Variants in GLE1 observed in about 807,000 individuals in gnomAD.
GLE1 encodes GLE1 RNA export mediator, also known as mRNA export factor GLE1.
Under a neutral mutation model 97.3 loss-of-function variants are expected in GLE1, and 78 were observed. The ratio of observed to expected loss-of-function variants is 0.80; its 90% confidence interval spans 0.67 to 0.97. GLE1 has a LOEUF of 0.97. Ranked by LOEUF, GLE1 falls within the 50% of genes least tolerant of loss-of-function variation. The pLI is 0.00. For missense variants in GLE1, 753 were observed against 857.5 expected, an observed-to-expected ratio of 0.88 and a Z score of 1.52; for synonymous variants, 302 against 313.4, an observed-to-expected ratio of 0.96 and a Z score of 0.39.
In GLE1 at chr9:128,541,170, A is replaced by T; in HGVS notation, c.2097A>T (p.Ter699CysextTer87). The T allele has an allele frequency of 6.6e-7, 1 of 1,522,036 alleles. No homozygotes were observed. The allele number at this position is 1,522,036 out of a possible 1,614,324, so 94.3% of individuals were successfully genotyped here. ...GFLTSSFWRS* is the reference protein window; with the variant it reads ...GFLTSSFWRSC ...TGACTTCCTCCTTCTGGCGCTCCTG[A>T]TGTCACTCCATCACCCACCATCACC... The change falls in exon 16 of 16, where the codon TGA becomes TGT. Residue 699 changes from the stop codon to cysteine, a stop_lost. Coordinates refer to ENST00000309971, the MANE Select transcript of GLE1 (RefSeq NM_001003722.2).
At chr9:128,512,832 T>C (rs548331233) in intron 2 of GLE1, among the ~76,000 whole-genome samples, 1 of 152,252 alleles carries the variant, frequency 6.6e-6, no homozygotes, top group African/African-American at 2.4e-5. Flanking sequence ...GCTAATTTTG[T>C]ATTTTTCGTA....
chr9:128,527,003 C>T (rs996108168), intron 7 of GLE1, among the ~76,000 whole-genome samples, 176 bp from the exon 8 acceptor site: 1 of 152,174 alleles, frequency 6.6e-6, no homozygotes, highest in Non-Finnish European at 1.5e-5. Context: ...AATCACTTAA[C>T]CTTTTTGTGC....
Position 128,504,836 on chromosome 9 carries a change from T to C in GLE1, c.31T>C (p.Leu11=), listed in dbSNP as rs763948685. 7 of 1,612,906 alleles carry C rather than the reference T, an allele frequency of 4.3e-6. No individual in the cohort carries two copies. Among genetic ancestry groups the C allele is most frequent in the Non-Finnish European group, 5.9e-6 (7 of 1,178,994 alleles). MPSEGRCWET[L]KALRSSDKGR... ...GTCTGAGGGTCGCTGCTGGGAGACC[T>C]TGAAGGCCCTACGCAGTTCCGACAA... The change falls in exon 1 of 16, where the codon TTG becomes CTG. Residue 11 remains leucine (L), a synonymous_variant. Coordinates refer to ENST00000309971, the MANE Select transcript of GLE1 (RefSeq NM_001003722.2).
chr9:128,517,126 C>A (rs1412505065), intron 3 of GLE1, among the ~76,000 whole-genome samples: 1 of 151,558 alleles, frequency 6.6e-6, no homozygotes, highest in African/African-American at 2.4e-5. Context: ...CCCATCTCTA[C>A]TAAAAATACA....
Position 128,515,648 on chromosome 9 carries a change from AC to A in GLE1, c.432+12del. 6.9e-7 allele frequency: 1 copy of A among 1,455,644 alleles called. No individual in the cohort carries two copies. The highest frequency in any genetic ancestry group is 9.6e-7 in the Non-Finnish European group (1 of 1,036,488). 90.2% of individuals were successfully genotyped at this position (1,455,644 alleles called of 1,614,324 possible). A position where few individuals can be genotyped will look rare whatever the true frequency, so the allele number is the denominator to read the frequency against. On this transcript the variant is annotated intron_variant, in intron 3 of 15. Coordinates refer to ENST00000309971, the MANE Select transcript of GLE1 (RefSeq NM_001003722.2). ...ACAGAATGAAAGGAACAGTAAGTGA[AC>A]CCATGAAGGAAGGCAGCCTTGATCC...
At chr9:128,528,148 G>T (rs1205199309) in intron 9 of GLE1, among the ~76,000 whole-genome samples, 1 of 147,970 alleles carries the variant, frequency 6.8e-6, no homozygotes. Context: ...GGGACTACAG[G>T]CGCCCACCAC....
chr9:128,517,521 T>C (rs887706419), intron 3 of GLE1, among the ~76,000 whole-genome samples: 2 of 152,180 alleles, frequency 1.3e-5, no homozygotes, highest in Non-Finnish European at 2.9e-5. Flanking sequence ...AGATGGTGGT[T>C]GCTTAGAGTA....
At chr9:128,529,841 A>AT (rs1482139111) in intron 9 of GLE1, among the ~76,000 whole-genome samples, 3 of 150,958 alleles carry the variant, frequency 2.0e-5, no homozygotes, top group Admixed American at 6.6e-5. Flanking sequence ...CAGTGGCACT[A>AT]TATCGGCTCA....
At chr9:128,515,677 C>A in intron 3 of GLE1, 38 bp downstream of exon 3, 1 of 1,090,672 alleles carries the variant, frequency 9.2e-7, no homozygotes, top group East Asian at 2.5e-5. Context: ...CTTGATCCTG[C>A]GAGCCACATT....
At chr9:128,521,425 T>C (rs890871208) in intron 3 of GLE1, among the ~76,000 whole-genome samples, 2 of 152,064 alleles carry the variant, frequency 1.3e-5, no homozygotes, top group Non-Finnish European at 2.9e-5. Flanking sequence ...TCCCAGCTAC[T>C]CAGGTGGCTG....
intron 15 of GLE1, 116 bp from the exon 16 acceptor site, chr9:128,540,986 G>T: frequency 5.3e-6 from 4 of 753,652 alleles, no homozygotes; most frequent in Admixed American, 3.8e-5. Flanking sequence ...TTTCCTTTTT[G>T]TTCACTGTTC....
rs149758208 is a variant in GLE1 at position 128,521,924 on chromosome 9, A to G, written c.433-744A>G. ...CATGAAATGATAAATTCAATATCTG[A>G]TACCCTTAGGTACTAAGGAAAAGGA... On this transcript the variant is annotated intron_variant, in intron 3 of 15. Transcript: ENST00000309971. Among the ~76,000 whole-genome samples the G allele has an allele frequency of 1.2e-4, 18 of 152,330 alleles. No homozygotes were observed. The East Asian group carries it at 3.5e-3, about 29-fold the overall frequency.
Position 128,533,643 on chromosome 9 carries a change from A to G in GLE1, c.1443A>G (p.Ala481=), listed in dbSNP as rs1325275304. The G allele has an allele frequency of 2.1e-5, 34 of 1,614,144 alleles. No individual in the cohort carries two copies. Among genetic ancestry groups the G allele is most frequent in the Non-Finnish European group, 2.8e-5 (33 of 1,180,000 alleles). Residue 481 remains alanine (A), a synonymous_variant, in exon 10 of 16, where the codon GCA becomes GCG. Transcript: ENST00000309971. ...QGLDFVQYKL[A]EKFVKQGEEE... ...TGGACTTTGTTCAATACAAACTGGC[A>G]GAGAAATTTGTGGTGAGAAACCTTG... is the stretch of plus-strand genomic sequence containing the variant.
At chr9:128,530,135 A>G (rs1335743604) in intron 9 of GLE1, among the ~76,000 whole-genome samples, 1 of 151,954 alleles carries the variant, frequency 6.6e-6, no homozygotes, top group East Asian at 1.9e-4. Context: ...CGTTCTCTCT[A>G]CTTACAGGGC....
chr9:128,526,752 C>T (rs1326816696), intron 7 of GLE1, among the ~76,000 whole-genome samples: 1 of 152,022 alleles, frequency 6.6e-6, no homozygotes, highest in East Asian at 1.9e-4. Flanking sequence ...TCACTATAGC[C>T]TCACCCTCCC....
chr9:128,509,176 C>A, intron 2 of GLE1, 79 bp downstream of exon 2: 1 of 857,608 alleles, frequency 1.2e-6, no homozygotes, highest in Non-Finnish European at 2.0e-6. Flanking sequence ...ATGACAGTGA[C>A]CATACCCTAG....
chr9:128,512,806 C>T (rs200845057), intron 2 of GLE1, among the ~76,000 whole-genome samples: 7 of 152,156 alleles, frequency 4.6e-5, no homozygotes, highest in South Asian at 2.1e-4. Context: ...ATTACAGGCA[C>T]GCGCCACCAT....
chr9:128,515,046 C>T (rs535794518), intron 2 of GLE1, among the ~76,000 whole-genome samples: 1 of 152,104 alleles, frequency 6.6e-6, no homozygotes, highest in South Asian at 2.1e-4. Flanking sequence ...GTCTCGAACT[C>T]CTGACTTTGT....
rs377055757 is a variant in GLE1 at position 128,523,747 on chromosome 9, G to A, written c.798G>A (p.Glu266=). ...TCAGCCAGCAGCTGGATGCCTCTGA[G>A]CAGCACAAAGCCCTGCTTAAGGTCG... ...LQLSQQLDAS[E]QHKALLKVDL... Residue 266 remains glutamate, a synonymous_variant, in exon 6 of 16, where the codon GAG becomes GAA. Transcript: ENST00000309971. 4 of 1,613,974 alleles carry A rather than the reference G, an allele frequency of 2.5e-6. No homozygotes were observed. In the African/African-American group the frequency reaches 5.3e-5, roughly 22 times the overall value.
Sources: gnomAD v4.1 joint callset for allele counts (sites outside exome capture counted in the v4.1 genomes callset) on GRCh38, gnomAD v4.1.1 for gene constraint, MANE v1.5 for transcripts, NCBI Gene and HGNC (gene_info 2026-07-23, HGNC 2026-07-21) for gene names.